TMEM9: variants seen among roughly 807,000 people sequenced by gnomAD.
TMEM9 encodes the protein transmembrane protein 9, also known as proton-transporting V-type ATPase complex assembly regulator TMEM9.
TMEM9 carries 13 observed loss-of-function variants against 22.8 expected under a neutral mutation model. The ratio of observed to expected loss-of-function variants is 0.57; its 90% confidence interval spans 0.37 to 0.91. The LOEUF is 0.91. TMEM9 is among the 40% of genes least tolerant of loss of function. The pLI, the probability that TMEM9 is intolerant of heterozygous loss-of-function variation, is 0.01. For missense variants in TMEM9, 182 were observed against 238.1 expected (o/e 0.76, Z 1.55); for synonymous variants, 88 against 93.0 (o/e 0.95, Z 0.31).
intron 1 of TMEM9, among the ~76,000 whole-genome samples, chr1:201,167,802 T>C (rs965951553): frequency 1.3e-5 from 2 of 152,226 alleles, no homozygotes; most frequent in Non-Finnish European, 2.9e-5. Flanking sequence ...TCTCCCCTAC[T>C]GCCATAAGTT....
intron 1 of TMEM9, among the ~76,000 whole-genome samples, chr1:201,171,054 TC>T (rs1666199566): frequency 6.6e-6 from 1 of 151,950 alleles, no homozygotes; most frequent in South Asian, 2.1e-4. Flanking sequence ...CAGCTCAGAT[TC>T]CCTCCCCGTG....
chr1:201,142,825 C>T (rs953983716), intron 4 of TMEM9, among the ~76,000 whole-genome samples: 1 of 152,256 alleles, frequency 6.6e-6, no homozygotes, highest in Non-Finnish European at 1.5e-5. Flanking sequence ...CTAGCTGGTA[C>T]ATGAGCGCAT....
chr1:201,137,894 T>C (rs575587871), intron 4 of TMEM9, among the ~76,000 whole-genome samples: 13 of 152,328 alleles, frequency 8.5e-5, no homozygotes, highest in African/African-American at 3.1e-4. Flanking sequence ...TCCAGTTCCA[T>C]GCCTTCCCTG....
At position 201,149,288 on chromosome 1, in the gene TMEM9, T is replaced by G. The variant is rs568788560; in HGVS notation, c.159-2440A>C. On this transcript the variant is annotated intron_variant, in intron 2 of 4. Transcript: ENST00000367330. ...CAGTGTCTTTCAAACTGTACTCTTT[T>G]GGGACCCACAGGAACCACTGTACGG... 3.9e-5 allele frequency among the ~76,000 whole-genome samples: 6 copies of G among 152,304 alleles called. No individual in the cohort carries two copies. In the South Asian group the frequency reaches 1.2e-3, roughly 32 times the overall value.
Position 201,154,119 on chromosome 1 carries a change from G to T in TMEM9, c.-196C>A. On this transcript the variant is annotated 5_prime_UTR_variant, in exon 1 of 5. Coordinates refer to ENST00000367330, the MANE Select transcript of TMEM9 (RefSeq NM_001288565.2). The stretch of plus-strand genomic sequence containing the variant: ...GGTCGCCAAACCCTGCTTCCCTCCC[G>T]CCCAACTCTCCGGCTCTCCGCCAGC... 1.6e-6 allele frequency: 1 copy of T among 631,132 alleles called. No homozygotes were observed. Among genetic ancestry groups the T allele is most frequent in the Non-Finnish European group, 2.6e-6 (1 of 379,088 alleles). 39.1% of individuals were successfully genotyped at this position (631,132 alleles called of 1,614,324 possible).
At chr1:201,145,347 T>G (rs1368987261) in intron 3 of TMEM9, 1 of 152,596 alleles carries the variant, frequency 6.6e-6, no homozygotes, top group African/African-American at 2.4e-5. Context: ...TGGAGCAAGT[T>G]CAGAGAAGGA....
chr1:201,171,245 C>G (rs962611931), intron 1 of TMEM9, among the ~76,000 whole-genome samples: 2 of 152,170 alleles, frequency 1.3e-5, no homozygotes, highest in Admixed American at 1.3e-4. Context: ...CCCAGGCCCC[C>G]TGCCGGACGG....
chr1:201,153,771 G>A, intron 1 of TMEM9, 87 bp downstream of exon 1: 6 of 1,590,704 alleles, frequency 3.8e-6, no homozygotes, highest in Non-Finnish European at 5.1e-6. Context: ...GGCTTAAGGA[G>A]CAGCTGGCTA....
chr1:201,136,764 G>A (rs978727416), intron 4 of TMEM9, among the ~76,000 whole-genome samples: 2 of 152,164 alleles, frequency 1.3e-5, no homozygotes, highest in African/African-American at 4.8e-5. Context: ...TGAGGGCCAG[G>A]CCCACACCCC....
intron 4 of TMEM9, 95 bp from the exon 5 acceptor site, chr1:201,135,910 C>G: frequency 7.7e-7 from 1 of 1,302,824 alleles, no homozygotes; most frequent in African/African-American, 1.5e-5. Flanking sequence ...AACCCCAAAG[C>G]CTTACCTTCC....
intron 2 of TMEM9, among the ~76,000 whole-genome samples, chr1:201,150,094 T>C (rs1421280315): frequency 3.9e-5 from 6 of 152,256 alleles, no homozygotes; most frequent in African/African-American, 9.6e-5. Flanking sequence ...TCAGGCCATC[T>C]ATAGCTCCAG....
Position 201,146,757 on chromosome 1 carries a change from T to C in TMEM9, c.250A>G (p.Ser84Gly). 6.2e-7 allele frequency: 1 copy of C among 1,614,240 alleles called. No homozygotes were observed. Among genetic ancestry groups the C allele is most frequent in the Non-Finnish European group, 8.5e-7 (1 of 1,180,042 alleles). ...LLCECRYEERSTTTIKVIIVI... is the reference protein window; with the variant it reads ...LLCECRYEERGTTTIKVIIVI... Reference sequence around the variant, plus strand: ...GGCGTTACCTTGATGGTGGTGGTGCTGCGCTCCTCGTACCTGCACTCGCAC... The same window carrying C: ...GGCGTTACCTTGATGGTGGTGGTGCCGCGCTCCTCGTACCTGCACTCGCAC... Residue 84 changes from serine (S) to glycine (G), a missense_variant, in exon 3 of 5, where the codon AGC (serine) becomes GGC (glycine). By Grantham distance (56) the Ser-to-Gly change is moderately conservative (BLOSUM62 0). Coordinates refer to ENST00000367330, the MANE Select transcript of TMEM9 (RefSeq NM_001288565.2).
intron 3 of TMEM9, 138 bp downstream of exon 3, chr1:201,146,602 C>T (rs747524309): frequency 1.1e-6 from 1 of 906,474 alleles, no homozygotes; most frequent in Non-Finnish European, 1.8e-6. Flanking sequence ...CCAGTGTCTG[C>T]ACTAGGCCAG....
intron 4 of TMEM9, 37 bp from the exon 5 acceptor site, chr1:201,135,852 G>GT (rs1663945256): frequency 3.2e-6 from 5 of 1,547,986 alleles, no homozygotes; most frequent in Non-Finnish European, 3.5e-6. Flanking sequence ...ATCTGGCACG[G>GT]TAAGCCAGAA....
chr1:201,164,994 A>G lies in TMEM9; in HGVS notation c.-37+6496T>C, dbSNP rs544983174. ...CCGTAATTAACTCATGTCAGGCCCAATTGGATGCTAAGCAGGGAAAAAACA... is the reference window on the plus strand; with the variant it reads ...CCGTAATTAACTCATGTCAGGCCCAGTTGGATGCTAAGCAGGGAAAAAACA... On this transcript the variant is annotated intron_variant, in intron 1 of 5. Coordinates refer to the TMEM9 transcript ENST00000367333. 2.1e-3 allele frequency among the ~76,000 whole-genome samples: 313 copies of G among 151,876 alleles called. 1 individual carries two copies. Among genetic ancestry groups the G allele is most frequent in the African/African-American group, 6.5e-3 (271 of 41,398 alleles).
Position 201,166,264 on chromosome 1 carries a change from G to C in TMEM9, c.-37+5226C>G, listed in dbSNP as rs556004625. Among the ~76,000 whole-genome samples the C allele has an allele frequency of 7.2e-5, 11 of 151,866 alleles. No homozygotes were observed. In the South Asian group the frequency reaches 2.3e-3, roughly 32 times the overall value. On this transcript the variant is annotated intron_variant, in intron 1 of 5. Transcript: ENST00000367333. Reference sequence around the variant, plus strand: ...TATTCCTTTTACCACCCACACCACTGGCCCCAGTTAGTTGGTCACTACCCA... The same window carrying C: ...TATTCCTTTTACCACCCACACCACTCGCCCCAGTTAGTTGGTCACTACCCA...
intron 3 of TMEM9, 102 bp from the exon 4 acceptor site, chr1:201,144,053 C>G (rs1340231757): frequency 7.4e-7 from 1 of 1,350,536 alleles, no homozygotes; most frequent in African/African-American, 1.4e-5. Context: ...AGTGACTCCT[C>G]AAGTGGTGCA....
At chr1:201,161,393 G>A (rs1665944587) in intron 1 of TMEM9, among the ~76,000 whole-genome samples, 1 of 152,172 alleles carries the variant, frequency 6.6e-6, no homozygotes, top group African/African-American at 2.4e-5. Context: ...CTTCAAAAAT[G>A]GCTGGTTTAG....
At chr1:201,159,402 C>G (rs991624688), upstream of TMEM9, among the ~76,000 whole-genome samples, 16 of 152,112 alleles carry the variant, frequency 1.1e-4, no homozygotes, top group African/African-American at 3.6e-4. Context: ...GAGCGCCCTG[C>G]TGTGTAGTAC....
Sources: allele counts gnomAD v4.1 joint callset (sites outside exome capture counted in the v4.1 genomes callset), GRCh38; gene constraint gnomAD v4.1.1; transcripts MANE v1.5; gene names NCBI Gene and HGNC (gene_info 2026-07-23, HGNC 2026-07-21).